APAF1: variants seen among roughly 807,000 people sequenced by gnomAD.
APAF1 encodes apoptotic peptidase activating factor 1.
APAF1 carries 91 observed loss-of-function variants against 152.4 expected under a neutral mutation model. That is an observed-to-expected ratio of 0.60 (90% confidence interval 0.50 to 0.71). The LOEUF (loss-of-function observed/expected upper bound fraction) is 0.71. APAF1 is among the 30% of genes least tolerant of loss of function. APAF1 has a pLI of 0.00. For synonymous variants in APAF1, 484 were observed against 494.1 expected, an observed-to-expected ratio of 0.98 and a Z score of 0.27; for missense variants, 1,283 against 1,472.0, an observed-to-expected ratio of 0.87 and a Z score of 2.10.
At chr12:98,727,634 G>C in intron 26 of APAF1, among the ~76,000 whole-genome samples, 1 of 151,314 alleles carries the variant, frequency 6.6e-6, no homozygotes, top group Non-Finnish European at 1.5e-5. Context: ...AAAAGAACCA[G>C]AAAAAACTTT....
In APAF1 at chr12:98,693,557, A is replaced by G. The variant is rs79948018; in HGVS notation, c.2305-5851A>G. On this transcript the variant is annotated intron_variant, in intron 16 of 26. Coordinates refer to ENST00000551964, the MANE Select transcript of APAF1 (RefSeq NM_181861.2). ...GTTTTTTCATTTGTTTAGTTTTTAT[A>G]TGTGCTTATCTTCAAACTCTCTCTT... is the stretch of plus-strand genomic sequence containing the variant. Among the ~76,000 whole-genome samples, 639 of 152,012 alleles carry G rather than the reference A, an allele frequency of 4.2e-3. 2 individuals are homozygous for G. The highest frequency in any genetic ancestry group is 0.014 in the African/African-American group (590 of 41,442).
intron 10 of APAF1, among the ~76,000 whole-genome samples, chr12:98,670,020 C>A (rs1205511633): frequency 1.3e-5 from 2 of 151,834 alleles, no homozygotes; most frequent in Non-Finnish European, 2.9e-5. Flanking sequence ...GCTGAAATCA[C>A]TGCAACCGCC....
intron 3 of APAF1, 104 bp from the exon 4 acceptor site, chr12:98,649,383 A>G (rs2097646154): frequency 7.1e-7 from 1 of 1,418,018 alleles, no homozygotes. Flanking sequence ...TCTCTTGGAA[A>G]TTTTCAGGCT....
chr12:98,727,719 T>C (rs1343845516), intron 26 of APAF1, among the ~76,000 whole-genome samples: 1 of 152,120 alleles, frequency 6.6e-6, no homozygotes, highest in African/African-American at 2.4e-5. Flanking sequence ...GGTGGGCGGA[T>C]CACCTGAGGT....
At chr12:98,721,388 G>A (rs1045886254) in intron 22 of APAF1, among the ~76,000 whole-genome samples, 4 of 152,216 alleles carry the variant, frequency 2.6e-5, no homozygotes, top group Non-Finnish European at 5.9e-5. Context: ...AATAGGCAGT[G>A]TCTGTAAACT....
At position 98,683,279 on chromosome 12, in the gene APAF1, G is replaced by T; in HGVS notation, c.2178+5G>T. The T allele has an allele frequency of 6.2e-7, 1 of 1,613,648 alleles. No homozygotes were observed. On this transcript the variant is annotated splice_donor_5th_base_variant and intron_variant, in intron 15 of 26. Transcript: ENST00000551964. ...TCAAGTGACTGCTTCCTCAAAGTAA[G>T]TGTGGATATTGAGAATTAGGTAGAT...
chr12:98,691,934 G>A (rs2153329738), intron 16 of APAF1, among the ~76,000 whole-genome samples: 1 of 152,112 alleles, frequency 6.6e-6, no homozygotes, highest in South Asian at 2.1e-4. Context: ...TTTCAGGTAT[G>A]TCATCTGCAA....
At chr12:98,729,050 T>C (rs932381056) in intron 26 of APAF1, among the ~76,000 whole-genome samples, 2 of 152,204 alleles carry the variant, frequency 1.3e-5, no homozygotes, top group South Asian at 4.1e-4. Flanking sequence ...GGTAAACCAA[T>C]AAAGTCCCTA....
At chr12:98,650,641 A>G (rs7312463) in intron 4 of APAF1, among the ~76,000 whole-genome samples, 5,372 of 152,218 alleles carry the variant, frequency 0.035, 303 homozygotes, top group African/African-American at 0.12. Context: ...ACATGGCCTC[A>G]GTTTAATTTC....
chr12:98,656,604 T>C (rs1294740437), intron 4 of APAF1, among the ~76,000 whole-genome samples: 1 of 152,202 alleles, frequency 6.6e-6, no homozygotes, highest in Non-Finnish European at 1.5e-5. Context: ...CTTCTGTCAT[T>C]CCTATGTGTT....
intron 26 of APAF1, among the ~76,000 whole-genome samples, chr12:98,729,882 TAC>T (rs754555583): frequency 6.6e-6 from 1 of 152,274 alleles, no homozygotes; most frequent in South Asian, 2.1e-4. Context: ...GGTACAAAAA[TAC>T]AGATAAACAA....
intron 4 of APAF1, among the ~76,000 whole-genome samples, chr12:98,654,816 CTTTTTTT>C (rs758991431): frequency 8.6e-6 from 1 of 116,798 alleles, no homozygotes; most frequent in Non-Finnish European, 1.7e-5. Context: ...GTAGTATTTT[CTTTTTTT>C]TTTTTTTTTT....
chr12:98,713,658 T>G (rs2097730629), intron 21 of APAF1, among the ~76,000 whole-genome samples: 1 of 152,270 alleles, frequency 6.6e-6, no homozygotes, highest in Admixed American at 6.5e-5. Flanking sequence ...GCACATTTTC[T>G]CTAGCTTTAT....
chr12:98,713,152 G>A (rs1460021671), intron 21 of APAF1, among the ~76,000 whole-genome samples: 1 of 152,122 alleles, frequency 6.6e-6, no homozygotes, highest in Non-Finnish European at 1.5e-5. Context: ...AAATCTTTCT[G>A]TGATCTATTA....
At chr12:98,720,924 G>A (rs2097741708) in intron 22 of APAF1, among the ~76,000 whole-genome samples, 1 of 151,576 alleles carries the variant, frequency 6.6e-6, no homozygotes, top group African/African-American at 2.4e-5. Flanking sequence ...CTGAGATCCC[G>A]CCACTACACT....
chr12:98,671,147 A>G, intron 11 of APAF1, 61 bp downstream of exon 11: 1 of 1,050,858 alleles, frequency 9.5e-7, no homozygotes. Context: ...TTTACATTTA[A>G]TTCTAGATTT....
chr12:98,677,520 T>C lies in APAF1; in HGVS notation c.1889T>C (p.Ile630Thr). 6.2e-7 allele frequency: 1 copy of C among 1,614,198 alleles called. No homozygotes were observed. Among genetic ancestry groups the C allele is most frequent in the Non-Finnish European group, 8.5e-7 (1 of 1,180,022 alleles). Residue 630 changes from isoleucine to threonine, a missense_variant, in exon 13 of 27, where the codon ATA becomes ACA. Coordinates refer to ENST00000551964, the MANE Select transcript of APAF1 (RefSeq NM_181861.2). ...TGCTTTTCTGAGGATGGTCAGAGAATAGCTTCTTGTGGAGCTGATAAAACC... is the reference window on the plus strand; with the variant it reads ...TGCTTTTCTGAGGATGGTCAGAGAACAGCTTCTTGTGGAGCTGATAAAACC... ...HACFSEDGQRIASCGADKTLQ... is the reference protein window; with the variant it reads ...HACFSEDGQRTASCGADKTLQ...
chr12:98,647,705 GT>G (rs66849928), intron 1 of APAF1, among the ~76,000 whole-genome samples: 29,906 of 105,488 alleles, frequency 0.28, 3,057 homozygotes, highest in African/African-American at 0.33. Context: ...TCATGTTTCT[GT>G]TTTTTTTTTT....
intron 22 of APAF1, among the ~76,000 whole-genome samples, chr12:98,720,042 T>C (rs544955362): frequency 7.2e-5 from 11 of 152,296 alleles, no homozygotes; most frequent in African/African-American, 2.6e-4. Flanking sequence ...TAAAACTCAG[T>C]GTAATAGTCA....
Sources: allele counts gnomAD v4.1 joint callset (sites outside exome capture counted in the v4.1 genomes callset), GRCh38; gene constraint gnomAD v4.1.1; transcripts MANE v1.5; gene names NCBI Gene and HGNC (gene_info 2026-07-23, HGNC 2026-07-21).